Variants in ARMC9 observed in about 807,000 individuals in gnomAD.
ARMC9 encodes armadillo repeat containing 9.
A neutral mutation model predicts 107.0 loss-of-function variants in ARMC9; 94 were observed. The ratio of observed to expected loss-of-function variants is 0.88; its 90% CI spans 0.74 to 1.04. The LOEUF is 1.04. Ranked by LOEUF, ARMC9 falls within the 50% of genes least tolerant of loss-of-function variation. The pLI is 0.00. For missense variants in ARMC9, 942 were observed against 1,030.1 expected (o/e 0.91, Z 1.17); for synonymous variants, 380 against 396.9 (o/e 0.96, Z 0.51).
chr2:231,213,251 C>A (rs1381916262), intron 3 of ARMC9, among the ~76,000 whole-genome samples: 1 of 150,978 alleles, frequency 6.6e-6, no homozygotes, highest in Non-Finnish European at 1.5e-5. Flanking sequence ...GCAGCCTCTA[C>A]CTCCAAGGCT....
intron 9 of ARMC9, among the ~76,000 whole-genome samples, chr2:231,249,604 G>C (rs1344575613): frequency 6.6e-6 from 1 of 152,052 alleles, no homozygotes; most frequent in Admixed American, 6.5e-5. Context: ...AAATGCAGCT[G>C]TTTCAGCTTG....
intron 21 of ARMC9, among the ~76,000 whole-genome samples, chr2:231,354,774 T>C (rs1049054239): frequency 6.6e-6 from 1 of 152,234 alleles, no homozygotes; most frequent in African/African-American, 2.4e-5. Flanking sequence ...TGAGCCCTTG[T>C]TGGATTAGGT....
chr2:231,320,795 G>C (rs2042955938), intron 19 of ARMC9, among the ~76,000 whole-genome samples: 1 of 152,186 alleles, frequency 6.6e-6, no homozygotes, highest in Non-Finnish European at 1.5e-5. Flanking sequence ...CTTGTATCAT[G>C]TGTGCATTTG....
chr2:231,239,831 T>C (rs1574740901), intron 8 of ARMC9, 112 bp from the exon 9 acceptor site: 1 of 843,316 alleles, frequency 1.2e-6, no homozygotes, highest in East Asian at 2.6e-5. Context: ...TACCTCATCA[T>C]CATGCCTTAC....
chr2:231,344,485 AC>A (rs2044699658), intron 20 of ARMC9, among the ~76,000 whole-genome samples: 1 of 152,184 alleles, frequency 6.6e-6, no homozygotes, highest in Non-Finnish European at 1.5e-5. Flanking sequence ...TGTTTTACTT[AC>A]TGATTTGTAG....
chr2:231,235,505 C>T, intron 8 of ARMC9, 124 bp downstream of exon 8: 1 of 1,172,784 alleles, frequency 8.5e-7, no homozygotes. Context: ...GCGCCTGCTG[C>T]TCTATTTCCA....
chr2:231,350,297 A>G (rs2045006748), intron 21 of ARMC9, among the ~76,000 whole-genome samples: 2 of 152,120 alleles, frequency 1.3e-5, no homozygotes, highest in African/African-American at 4.8e-5. Flanking sequence ...AAATGCTGGG[A>G]TTACAGGTGT....
intron 5 of ARMC9, among the ~76,000 whole-genome samples, chr2:231,217,585 T>C (rs2033654957): frequency 6.7e-6 from 1 of 149,980 alleles, no homozygotes; most frequent in Non-Finnish European, 1.5e-5. Flanking sequence ...AAAAAAAAAA[T>C]TACAGAAAGC....
At chr2:231,310,434 G>A (rs1218458779) in intron 19 of ARMC9, among the ~76,000 whole-genome samples, 16 of 101,552 alleles carry the variant, frequency 1.6e-4, no homozygotes, top group Non-Finnish European at 2.4e-4. Flanking sequence ...AAAAAAAAAG[G>A]TAAAGTTAAG....
intron 2 of ARMC9, among the ~76,000 whole-genome samples, chr2:231,207,634 C>T (rs749378873): frequency 1.3e-5 from 2 of 152,166 alleles, no homozygotes; most frequent in Admixed American, 6.5e-5. Context: ...CGCCACTGCG[C>T]CTGGCTAATT....
chr2:231,289,777 C>A (rs1419654817), intron 17 of ARMC9, among the ~76,000 whole-genome samples: 1 of 152,182 alleles, frequency 6.6e-6, no homozygotes, highest in Non-Finnish European at 1.5e-5. Context: ...ATTGTCACCT[C>A]CTCCTCTGTG....
chr2:231,323,390 G>C (rs1421633244), intron 19 of ARMC9, among the ~76,000 whole-genome samples: 1 of 152,230 alleles, frequency 6.6e-6, no homozygotes, highest in Non-Finnish European at 1.5e-5. Context: ...CTATCAGCAA[G>C]CTTCATTGCT....
chr2:231,253,761 C>G (rs2037510079), intron 9 of ARMC9, among the ~76,000 whole-genome samples: 1 of 152,008 alleles, frequency 6.6e-6, no homozygotes, highest in African/African-American at 2.4e-5. Context: ...CAGAAACAAA[C>G]CTAAGGATAG....
At chr2:231,338,717 CT>C (rs1442974300) in intron 20 of ARMC9, among the ~76,000 whole-genome samples, 1 of 151,838 alleles carries the variant, frequency 6.6e-6, no homozygotes, top group Admixed American at 6.6e-5. Flanking sequence ...ATTATAAAAT[CT>C]AGAAAAATAA....
intron 5 of ARMC9, among the ~76,000 whole-genome samples, 189 bp from the exon 6 acceptor site, chr2:231,222,539 G>A (rs2034249777): frequency 6.6e-6 from 1 of 152,056 alleles, no homozygotes; most frequent in African/African-American, 2.4e-5. Flanking sequence ...CCTACTGTGG[G>A]CACTTGAATC....
At chr2:231,340,723 C>A (rs1464800771) in intron 20 of ARMC9, among the ~76,000 whole-genome samples, 1 of 151,986 alleles carries the variant, frequency 6.6e-6, no homozygotes. Context: ...CCCGTCTCTA[C>A]TAAAAACACA....
At chr2:231,275,247 A>C (rs982215697) in intron 14 of ARMC9, among the ~76,000 whole-genome samples, 3 of 152,186 alleles carry the variant, frequency 2.0e-5, no homozygotes, top group African/African-American at 7.2e-5. Flanking sequence ...AGTGTTTAAG[A>C]ACAGGATGAA....
chr2:231,367,010 C>G (rs373463563), intron 23 of ARMC9, among the ~76,000 whole-genome samples: 2,291 of 151,490 alleles, frequency 0.015, 58 homozygotes, highest in African/African-American at 0.052. Context: ...GCCACCACGC[C>G]TGGCTAATTT....
chr2:231,275,015 A>C (rs1381106832), intron 14 of ARMC9, among the ~76,000 whole-genome samples: 1 of 152,206 alleles, frequency 6.6e-6, no homozygotes, highest in Non-Finnish European at 1.5e-5. Context: ...TAAGTAACAG[A>C]TACAAGATAT....
Sources: gnomAD v4.1 joint callset for allele counts (sites outside exome capture counted in the v4.1 genomes callset) on GRCh38, gnomAD v4.1.1 for gene constraint, MANE v1.5 for transcripts, NCBI Gene and HGNC (gene_info 2026-07-23, HGNC 2026-07-21) for gene names.